Variants in MSI2 observed in about 807,000 individuals in gnomAD.
MSI2 encodes musashi RNA binding protein 2.
A neutral mutation model predicts 45.6 loss-of-function variants in MSI2; 17 were observed. That is an observed-to-expected ratio of 0.37 (90% CI 0.26 to 0.56). The LOEUF (loss-of-function observed/expected upper bound fraction) is 0.56, where lower values mean the gene tolerates loss of function less well. Ranked by LOEUF, MSI2 falls within the 20% of genes least tolerant of loss-of-function variation. MSI2 has a pLI of 0.77. For missense variants in MSI2, 293 were observed against 444.2 expected, an observed-to-expected ratio of 0.66 and a Z score of 3.06; for synonymous variants, 156 against 158.2, an observed-to-expected ratio of 0.99 and a Z score of 0.11.
At position 57,256,791 on chromosome 17, in the gene MSI2, C is replaced by A; in HGVS notation, c.49C>A (p.Gln17Lys). ...CACCTCGGGCAGCGCCAACGACTCC[C>A]AGCACGACCCCGGGTAAGTTTCCAG... ...QGTSGSANDS[Q>K]HDPGKMFIGG... The change falls in exon 1 of 14, where the codon CAG (glutamine) becomes AAG (lysine). Residue 17 changes from glutamine (Q) to lysine (K), a missense_variant. Physicochemically the swap from Gln to Lys is moderately conservative, Grantham distance 53. Coordinates refer to ENST00000284073, the MANE Select transcript of MSI2 (RefSeq NM_138962.4). 1 of 1,477,842 alleles carries A rather than the reference C, an allele frequency of 6.8e-7. No homozygotes were observed. The highest frequency in any genetic ancestry group is 9.0e-7 in the Non-Finnish European group (1 of 1,116,434). 91.5% of individuals were successfully genotyped at this position (1,477,842 alleles called of 1,614,324 possible). A position where few individuals can be genotyped will look rare whatever the true frequency, so the allele number is the denominator to read the frequency against.
chr17:57,568,664 AACCC>A (rs2087798230), intron 7 of MSI2, among the ~76,000 whole-genome samples: 1 of 152,170 alleles, frequency 6.6e-6, no homozygotes, highest in Non-Finnish European at 1.5e-5. Context: ...CTTCACACTA[AACCC>A]GGTTTACTGC....
intron 10 of MSI2, among the ~76,000 whole-genome samples, chr17:57,636,835 A>T (rs963163991): frequency 3.9e-5 from 6 of 152,364 alleles, no homozygotes; most frequent in Admixed American, 2.0e-4. Flanking sequence ...ACCAGCGAGC[A>T]ATGGCTGGTT....
intron 6 of MSI2, among the ~76,000 whole-genome samples, chr17:57,440,074 C>A (rs994370645): frequency 6.6e-6 from 1 of 152,162 alleles, no homozygotes; most frequent in Non-Finnish European, 1.5e-5. Context: ...TTATTTCAAA[C>A]CACCAGTCAC....
At chr17:57,260,642 G>A (rs1345994912) in intron 4 of MSI2, among the ~76,000 whole-genome samples, 1 of 152,184 alleles carries the variant, frequency 6.6e-6, no homozygotes, top group Non-Finnish European at 1.5e-5. Context: ...ATGCAGTAAT[G>A]TTAATCTTTA....
intron 6 of MSI2, among the ~76,000 whole-genome samples, chr17:57,410,780 G>A (rs978688627): frequency 2.0e-5 from 3 of 152,058 alleles, no homozygotes; most frequent in Admixed American, 1.3e-4. Context: ...TTTGCTTATA[G>A]AGTGTTAGTA....
At chr17:57,634,084 T>A (rs1262814957) in intron 10 of MSI2, among the ~76,000 whole-genome samples, 1 of 152,198 alleles carries the variant, frequency 6.6e-6, no homozygotes, top group Non-Finnish European at 1.5e-5. Flanking sequence ...TAAGACTGAC[T>A]CCTTCAGATG....
chr17:57,583,171 C>A (rs1252474452), intron 7 of MSI2, among the ~76,000 whole-genome samples: 4 of 152,164 alleles, frequency 2.6e-5, no homozygotes, highest in Non-Finnish European at 4.4e-5. Flanking sequence ...TCCATGTTTT[C>A]TTTGCAGTTA....
intron 5 of MSI2, among the ~76,000 whole-genome samples, chr17:57,303,261 G>T (rs761866399): frequency 7.2e-5 from 11 of 152,156 alleles, no homozygotes; most frequent in Non-Finnish European, 1.0e-4. Context: ...TTTAACACTT[G>T]GGGGAGAGAA....
chr17:57,295,992 CTTTTTTTTTTTTTTTTTT>C (rs386386327), intron 5 of MSI2, among the ~76,000 whole-genome samples: 37 of 38,660 alleles, frequency 9.6e-4, no homozygotes, highest in South Asian at 1.9e-3. Context: ...CGCAGCCTTC[CTTTTTTTTTTTTTTTTTT>C]TTTTTTTTTT....
At chr17:57,640,095 G>A (rs1166856109) in intron 10 of MSI2, among the ~76,000 whole-genome samples, 2 of 152,126 alleles carry the variant, frequency 1.3e-5, no homozygotes, top group African/African-American at 4.8e-5. Flanking sequence ...GAGGTGGGGG[G>A]AGCTGGGCAA....
chr17:57,299,081 C>G (rs539384223), intron 5 of MSI2, among the ~76,000 whole-genome samples: 3 of 152,232 alleles, frequency 2.0e-5, no homozygotes, highest in African/African-American at 2.4e-5. Flanking sequence ...TCTCATGAAC[C>G]AACTTTGCTG....
chr17:57,417,065 A>G (rs1284451009), intron 6 of MSI2, among the ~76,000 whole-genome samples: 1 of 152,024 alleles, frequency 6.6e-6, no homozygotes, highest in South Asian at 2.1e-4. Context: ...CGAGGTGGGG[A>G]CGGTGGTTGC....
At chr17:57,321,091 G>T (rs917261938) in intron 5 of MSI2, among the ~76,000 whole-genome samples, 1 of 151,104 alleles carries the variant, frequency 6.6e-6, no homozygotes, top group South Asian at 2.1e-4. Flanking sequence ...AATTGGCGGT[G>T]GGGGGGATGG....
chr17:57,330,816 T>C (rs1005863605), intron 5 of MSI2, among the ~76,000 whole-genome samples: 2 of 152,050 alleles, frequency 1.3e-5, no homozygotes, highest in Non-Finnish European at 2.9e-5. Context: ...TTCAAGTTTC[T>C]AGTGTATGTG....
chr17:57,571,671 A>T (rs867845181), intron 7 of MSI2, among the ~76,000 whole-genome samples: 1 of 152,200 alleles, frequency 6.6e-6, no homozygotes, highest in Non-Finnish European at 1.5e-5. Flanking sequence ...GATAGTAAGG[A>T]TAAAGTGAAA....
At chr17:57,325,064 A>T (rs1333575848) in intron 5 of MSI2, among the ~76,000 whole-genome samples, 3 of 152,208 alleles carry the variant, frequency 2.0e-5, no homozygotes, top group Non-Finnish European at 2.9e-5. Context: ...AAAGATATGG[A>T]GCCAACCTAA....
chr17:57,361,035 A>C (rs192835285), intron 5 of MSI2, among the ~76,000 whole-genome samples: 1 of 152,300 alleles, frequency 6.6e-6, no homozygotes, highest in African/African-American at 2.4e-5. Context: ...AGTATCTCCC[A>C]TCTGCTTCCT....
intron 6 of MSI2, among the ~76,000 whole-genome samples, chr17:57,450,950 G>GT (rs1484123032): frequency 2.0e-5 from 3 of 152,020 alleles, no homozygotes; most frequent in Non-Finnish European, 2.9e-5. Context: ...TGATGGACAA[G>GT]TTTTTTTTAA....
chr17:57,314,836 C>T (rs1482232723), intron 5 of MSI2, among the ~76,000 whole-genome samples: 1 of 152,146 alleles, frequency 6.6e-6, no homozygotes, highest in Non-Finnish European at 1.5e-5. Flanking sequence ...TCCCAAAGTG[C>T]TGGGATTACA....
Sources: allele counts gnomAD v4.1 joint callset (sites outside exome capture counted in the v4.1 genomes callset), GRCh38; gene constraint gnomAD v4.1.1; transcripts MANE v1.5; gene names NCBI Gene and HGNC (gene_info 2026-07-23, HGNC 2026-07-21).